Variants in CNTLN observed in about 807,000 individuals in gnomAD.
CNTLN encodes the protein centlein, centrosomal protein.
A neutral mutation model predicts 180.0 loss-of-function variants in CNTLN; 212 were observed. That is an observed-to-expected ratio of 1.18 (90% CI 1.05 to 1.32). The LOEUF (loss-of-function observed/expected upper bound fraction) is 1.32, where lower values mean the gene tolerates loss of function less well. Ranked by LOEUF, CNTLN falls within the 40% of genes most tolerant of loss-of-function variation. The probability of loss-of-function intolerance (pLI) is 0.00; values close to 1 mark genes in which losing one functional copy is unlikely to be tolerated. For missense variants in CNTLN, 2,095 were observed against 1,610.9 expected, an observed-to-expected ratio of 1.30 and a Z score of -5.14; for synonymous variants, 722 against 563.1, an observed-to-expected ratio of 1.28 and a Z score of -3.99.
chr9:17,463,230 G>A (rs575925570), intron 20 of CNTLN, among the ~76,000 whole-genome samples: 23 of 151,548 alleles, frequency 1.5e-4, no homozygotes, highest in African/African-American at 5.3e-4. Flanking sequence ...TTAAATTTCC[G>A]TTATTAAACA....
chr9:17,217,451 G>A (rs146043962), intron 2 of CNTLN, among the ~76,000 whole-genome samples: 6 of 152,158 alleles, frequency 3.9e-5, no homozygotes, highest in African/African-American at 1.4e-4. Flanking sequence ...ACAGTGGCCT[G>A]TGGGAATTCA....
At chr9:17,478,354 T>C (rs1832464668) in intron 23 of CNTLN, among the ~76,000 whole-genome samples, 4 of 152,184 alleles carry the variant, frequency 2.6e-5, no homozygotes, top group Admixed American at 1.3e-4. Context: ...TGTCTTCCAT[T>C]GTGTAGGTTG....
Position 17,394,699 on chromosome 9 carries a change from G to C in CNTLN, c.2245G>C (p.Gly749Arg). The C allele has an allele frequency of 6.2e-7, 1 of 1,613,866 alleles. No individual in the cohort carries two copies. The highest frequency in any genetic ancestry group is 2.2e-5 in the East Asian group (1 of 44,864). The change falls in exon 15 of 26, where the codon GGG (glycine) becomes CGG (arginine). Residue 749 changes from glycine to arginine, a missense_variant. By Grantham distance (125) the Gly-to-Arg change is moderately radical. Coordinates refer to ENST00000380647, the MANE Select transcript of CNTLN (RefSeq NM_017738.4). ...AAAAGAGCTAGAACAGATAATAAAGGGGAGTAAAGATGTAGAAAAAGAAAA... is the reference window on the plus strand; with the variant it reads ...AAAAGAGCTAGAACAGATAATAAAGCGGAGTAAAGATGTAGAAAAAGAAAA... Reference protein sequence around the residue: ...REKELEQIIKGSKDVEKENTE... With the variant: ...REKELEQIIKRSKDVEKENTE...
At chr9:17,234,440 C>CG (rs398096305) in intron 3 of CNTLN, among the ~76,000 whole-genome samples, 1 of 151,572 alleles carries the variant, frequency 6.6e-6, no homozygotes, top group Non-Finnish European at 1.5e-5. Flanking sequence ...AGAGCGAGAC[C>CG]TGTCTCTCAA....
At chr9:17,333,571 G>C (rs988192498) in intron 10 of CNTLN, among the ~76,000 whole-genome samples, 2 of 152,110 alleles carry the variant, frequency 1.3e-5, no homozygotes, top group Admixed American at 6.5e-5. Context: ...TAAATGTTCA[G>C]TTTAGATTAT....
intron 23 of CNTLN, among the ~76,000 whole-genome samples, chr9:17,473,300 G>T (rs1832131834): frequency 6.6e-6 from 1 of 152,074 alleles, no homozygotes; most frequent in Non-Finnish European, 1.5e-5. Context: ...CTCAATCTCA[G>T]CTGCGTCTTT....
intron 2 of CNTLN, among the ~76,000 whole-genome samples, chr9:17,154,736 A>T (rs887267671): frequency 1.3e-5 from 2 of 152,138 alleles, no homozygotes; most frequent in African/African-American, 4.8e-5. Context: ...CTCTGTAAAA[A>T]CGGACCAGTC....
chr9:17,194,557 C>T (rs2131831054), intron 2 of CNTLN, among the ~76,000 whole-genome samples: 1 of 152,276 alleles, frequency 6.6e-6, no homozygotes, highest in Non-Finnish European at 1.5e-5. Context: ...ACCACCTCAG[C>T]CTAGACTTTA....
At chr9:17,243,474 A>C (rs929065864) in intron 5 of CNTLN, among the ~76,000 whole-genome samples, 17 of 152,024 alleles carry the variant, frequency 1.1e-4, no homozygotes, top group African/African-American at 3.9e-4. Flanking sequence ...TTTTAGTACT[A>C]CTTTCACTGT....
intron 20 of CNTLN, among the ~76,000 whole-genome samples, 176 bp downstream of exon 20, chr9:17,463,189 A>G (rs1313507755): frequency 6.6e-6 from 1 of 151,634 alleles, no homozygotes; most frequent in African/African-American, 2.4e-5. Context: ...ATGGCAAGCT[A>G]TTTACTTTTT....
intron 5 of CNTLN, among the ~76,000 whole-genome samples, chr9:17,262,987 C>T (rs370510918): frequency 1.3e-5 from 2 of 151,166 alleles, no homozygotes; most frequent in South Asian, 2.1e-4. Flanking sequence ...GTTTTTAATT[C>T]TATTTTATAA....
intron 18 of CNTLN, among the ~76,000 whole-genome samples, chr9:17,417,877 A>T (rs1435583636): frequency 6.6e-6 from 1 of 151,996 alleles, no homozygotes; most frequent in African/African-American, 2.4e-5. Context: ...TTTAGCACAG[A>T]TTTCAACTAC....
intron 13 of CNTLN, among the ~76,000 whole-genome samples, chr9:17,382,713 A>G (rs901455522): frequency 1.3e-5 from 2 of 152,146 alleles, no homozygotes; most frequent in African/African-American, 2.4e-5. Flanking sequence ...ACTACTTACA[A>G]TTGCTATCCA....
chr9:17,307,994 A>T (rs944225439), intron 7 of CNTLN, among the ~76,000 whole-genome samples: 8 of 151,256 alleles, frequency 5.3e-5, no homozygotes, highest in African/African-American at 1.9e-4. Context: ...ACACACACAC[A>T]CACACACACA....
At chr9:17,389,129 A>C (rs764587517) in intron 14 of CNTLN, among the ~76,000 whole-genome samples, 2 of 152,072 alleles carry the variant, frequency 1.3e-5, no homozygotes, top group Admixed American at 1.3e-4. Flanking sequence ...TAGGAAATCT[A>C]GTGATTTACA....
intron 25 of CNTLN, among the ~76,000 whole-genome samples, chr9:17,493,768 C>G (rs1423551557): frequency 6.6e-6 from 1 of 152,228 alleles, no homozygotes; most frequent in Non-Finnish European, 1.5e-5. Context: ...AGAGCATGAG[C>G]TCTGCCTTGT....
At position 17,135,424 on chromosome 9, in the gene CNTLN, A is replaced by C; in HGVS notation, c.359A>C (p.Gln120Pro). ...CTAAAGGAGGAGTTGGCCCTGTGTCAGGTATCGAGGAGTCTCGCAGTCCCC... is the reference window on the plus strand; with the variant it reads ...CTAAAGGAGGAGTTGGCCCTGTGTCCGGTATCGAGGAGTCTCGCAGTCCCC... ...SSLKEELALC[Q>P]ADKEFVWSLW... Residue 120 changes from glutamine to proline, a missense_variant and splice_region_variant, in exon 1 of 26, where the codon CAG (glutamine) becomes CCG (proline). Physicochemically the swap from Gln to Pro is moderately conservative, Grantham distance 76 (BLOSUM62 -1). Transcript: ENST00000380647. 6.3e-7 allele frequency: 1 copy of C among 1,594,156 alleles called. No individual in the cohort carries two copies. Among genetic ancestry groups the C allele is most frequent in the Non-Finnish European group, 8.5e-7 (1 of 1,171,784 alleles).
At chr9:17,153,356 A>G (rs1300984319) in intron 2 of CNTLN, among the ~76,000 whole-genome samples, 3 of 151,934 alleles carry the variant, frequency 2.0e-5, no homozygotes, top group Non-Finnish European at 4.4e-5. Context: ...TCTGGTGGTG[A>G]CAAAAATCCC....
At chr9:17,302,726 T>G (rs1398988257) in intron 7 of CNTLN, among the ~76,000 whole-genome samples, 1 of 152,214 alleles carries the variant, frequency 6.6e-6, no homozygotes, top group African/African-American at 2.4e-5. Flanking sequence ...TATTTTAATT[T>G]AAATATTACT....
Sources: gnomAD v4.1 joint callset for allele counts (sites outside exome capture counted in the v4.1 genomes callset) on GRCh38, gnomAD v4.1.1 for gene constraint, MANE v1.5 for transcripts, NCBI Gene and HGNC (gene_info 2026-07-23, HGNC 2026-07-21) for gene names.